The following PCDHA13 variants were observed in gnomAD, a reference collection of about 807,000 sequenced individuals.
The protein encoded by PCDHA13 is protocadherin alpha-13.
PCDHA13 carries 54 observed loss-of-function variants against 64.8 expected under a neutral mutation model. The observed-to-expected ratio is 0.83, with a 90% CI of 0.67 to 1.04. The LOEUF is 1.04. Among genes scored for constraint, PCDHA13 ranks in the 50% least tolerant of loss-of-function variants. The probability of loss-of-function intolerance (pLI) is 0.00; values close to 1 mark genes in which losing one functional copy is unlikely to be tolerated. For synonymous variants in PCDHA13, 587 were observed against 564.4 expected, an observed-to-expected ratio of 1.04 and a Z score of -0.57; for missense variants, 1,248 against 1,254.3, an observed-to-expected ratio of 0.99 and a Z score of 0.08.
At chr5:140,993,509 C>T (rs930990761) in intron 3 of PCDHA13, among the ~76,000 whole-genome samples, 23 of 143,490 alleles carry the variant, frequency 1.6e-4, no homozygotes, top group Admixed American at 3.5e-4. Context: ...CACACACACA[C>T]GGGGAGAGAG....
intron 1 of PCDHA13, among the ~76,000 whole-genome samples, chr5:140,952,530 A>T (rs246033): frequency 6.6e-6 from 1 of 151,882 alleles, no homozygotes; most frequent in Non-Finnish European, 1.5e-5. Context: ...ACCTCCTCAG[A>T]CTGGACTTCT....
At chr5:140,924,662 A>C (rs891233024) in intron 1 of PCDHA13, among the ~76,000 whole-genome samples, 6 of 152,166 alleles carry the variant, frequency 3.9e-5, no homozygotes, top group Non-Finnish European at 5.9e-5. Flanking sequence ...TGGGAGGCCG[A>C]GGCAGGCCAA....
chr5:140,883,946 G>C lies in PCDHA13; in HGVS notation c.1678G>C (p.Asp560His), dbSNP rs139225969. ...GCAGGTGTTCGTGCTGGACGAGAACGACAACGCTCCGGCGCTGCTGACGCC... is the reference window on the plus strand; with the variant it reads ...GCAGGTGTTCGTGCTGGACGAGAACCACAACGCTCCGGCGCTGCTGACGCC... ...TLQVFVLDEN[D>H]NAPALLTPGA... is the part of the protein sequence containing the mutation. The change falls in exon 1 of 4, where the codon GAC becomes CAC. Residue 560 changes from aspartate (D) to histidine (H), a missense_variant. Physicochemically the swap from Asp to His is moderately conservative, Grantham distance 81. Coordinates refer to ENST00000289272, the MANE Select transcript of PCDHA13 (RefSeq NM_018904.3). The C allele has an allele frequency of 4.8e-5, 77 of 1,613,392 alleles. No individual in the cohort carries two copies. In the African/African-American group the frequency reaches 8.8e-4, roughly 18 times the overall value.
intron 1 of PCDHA13, among the ~76,000 whole-genome samples, chr5:140,972,784 C>T (rs2096555970): frequency 1.3e-5 from 2 of 151,762 alleles, no homozygotes; most frequent in South Asian, 4.2e-4. Context: ...CTGCCTCAGC[C>T]TCCTGAGTAG....
intron 1 of PCDHA13, among the ~76,000 whole-genome samples, chr5:140,941,995 T>C (rs1243854944): frequency 6.6e-6 from 1 of 152,234 alleles, no homozygotes; most frequent in Non-Finnish European, 1.5e-5. Context: ...AAGGGATTCA[T>C]ATCTCTTATT....
chr5:140,926,921 G>A (rs1554203799), intron 1 of PCDHA13: 3 of 1,571,110 alleles, frequency 1.9e-6, no homozygotes, highest in African/African-American at 2.7e-5. Flanking sequence ...GCAGTTTTAT[G>A]TTTGTGGGTT....
intron 1 of PCDHA13, among the ~76,000 whole-genome samples, chr5:140,917,311 G>T (rs2078013594): frequency 6.7e-6 from 1 of 148,748 alleles, no homozygotes; most frequent in Non-Finnish European, 1.5e-5. Flanking sequence ...GTTACAATTT[G>T]GTGTTCATGT....
At chr5:140,938,699 A>G (rs1418739484) in intron 1 of PCDHA13, among the ~76,000 whole-genome samples, 4 of 152,128 alleles carry the variant, frequency 2.6e-5, no homozygotes, top group African/African-American at 4.8e-5. Context: ...TTTTAAATAT[A>G]TGTTTATGAT....
intron 1 of PCDHA13, among the ~76,000 whole-genome samples, chr5:140,903,652 T>C (rs1304934693): frequency 6.6e-6 from 1 of 152,234 alleles, no homozygotes; most frequent in Non-Finnish European, 1.5e-5. Context: ...ATACATATAT[T>C]ATAAATTTAA....
intron 1 of PCDHA13, chr5:140,928,899 T>C (rs2085633672): frequency 2.5e-6 from 4 of 1,614,088 alleles, no homozygotes; most frequent in South Asian, 1.1e-5. Flanking sequence ...ACTTTGAAGA[T>C]GTCTGGGAAC....
intron 1 of PCDHA13, among the ~76,000 whole-genome samples, chr5:140,940,983 C>T (rs572659107): frequency 6.6e-6 from 1 of 152,176 alleles, no homozygotes; most frequent in Non-Finnish European, 1.5e-5. Context: ...TATCTAGTTA[C>T]AAGTTTATAG....
chr5:140,885,122 T>A (rs191806335), intron 1 of PCDHA13, among the ~76,000 whole-genome samples: 1 of 152,332 alleles, frequency 6.6e-6, no homozygotes, highest in African/African-American at 2.4e-5. Context: ...AGTGCACTTT[T>A]CTTTCTTTCT....
At chr5:140,970,442 A>G (rs1003756532) in intron 1 of PCDHA13, among the ~76,000 whole-genome samples, 3 of 152,182 alleles carry the variant, frequency 2.0e-5, no homozygotes, top group Non-Finnish European at 4.4e-5. Flanking sequence ...TAGTATATGC[A>G]CTAGTTTTGA....
intron 1 of PCDHA13, among the ~76,000 whole-genome samples, chr5:140,977,477 A>G (rs919582107): frequency 4.6e-5 from 7 of 152,230 alleles, no homozygotes. Flanking sequence ...AGATAATTTT[A>G]TGCTATGTTA....
In PCDHA13 at chr5:140,928,392, G is replaced by A. The variant is rs17844366; in HGVS notation, c.2394+43730G>A. 2.0e-4 allele frequency: 326 copies of A among 1,614,052 alleles called. No homozygotes were observed. The East Asian group carries it at 6.6e-3, about 32-fold the overall frequency. Reference sequence around the variant, plus strand: ...CATCAGCCTCTAGCTTGCTGGCAGTGGAATCATCCAGTGGGGCCATCACTG... The same window carrying A: ...CATCAGCCTCTAGCTTGCTGGCAGTAGAATCATCCAGTGGGGCCATCACTG... On this transcript the variant is annotated intron_variant, in intron 1 of 3. Transcript: ENST00000289272.
chr5:141,007,435 G>A (rs1342767950), intron 3 of PCDHA13, among the ~76,000 whole-genome samples: 1 of 150,972 alleles, frequency 6.6e-6, no homozygotes, highest in Non-Finnish European at 1.5e-5. Flanking sequence ...AGGCATGGTG[G>A]CATGTGCCTG....
At chr5:140,966,455 C>G (rs376758355) in intron 1 of PCDHA13, 20 of 426,928 alleles carry the variant, frequency 4.7e-5, no homozygotes, top group East Asian at 2.8e-4. Flanking sequence ...CCCCCTCCCC[C>G]TCTGTCTTCC....
chr5:140,973,329 G>A (rs1303671094), intron 1 of PCDHA13, among the ~76,000 whole-genome samples: 6 of 152,112 alleles, frequency 3.9e-5, no homozygotes, highest in Non-Finnish European at 7.3e-5. Flanking sequence ...GTTTACACTC[G>A]TTGTAAAGTG....
intron 1 of PCDHA13, among the ~76,000 whole-genome samples, chr5:140,903,944 A>G (rs1554191212): frequency 6.6e-6 from 1 of 152,192 alleles, no homozygotes; most frequent in African/African-American, 2.4e-5. Context: ...CCTCTTAAAT[A>G]CTGGAAAATT....
Sources: gnomAD v4.1 joint callset for allele counts (sites outside exome capture counted in the v4.1 genomes callset) on GRCh38, gnomAD v4.1.1 for gene constraint, MANE v1.5 for transcripts, NCBI Gene and HGNC (gene_info 2026-07-23, HGNC 2026-07-21) for gene names.